Variants in PTPRN2 observed in about 807,000 individuals in gnomAD.
The protein encoded by PTPRN2 is protein tyrosine phosphatase receptor type N2.
A neutral mutation model predicts 118.8 loss-of-function variants in PTPRN2; 74 were observed. The ratio of observed to expected loss-of-function variants is 0.62; its 90% CI spans 0.52 to 0.76. PTPRN2 has a LOEUF of 0.76. Among genes scored for constraint, PTPRN2 ranks in the 30% least tolerant of loss-of-function variants. The pLI is 0.00. For missense variants in PTPRN2, 1,481 were observed against 1,394.4 expected, an observed-to-expected ratio of 1.06 and a Z score of -0.99; for synonymous variants, 641 against 608.0, an observed-to-expected ratio of 1.05 and a Z score of -0.80.
chr7:157,720,342 G>A (rs1799161520), intron 12 of PTPRN2, among the ~76,000 whole-genome samples: 1 of 152,196 alleles, frequency 6.6e-6, no homozygotes, highest in African/African-American at 2.4e-5. Context: ...TCATTCCAAT[G>A]TCCGACCTCT....
chr7:158,192,278 C>T, intron 5 of PTPRN2, 49 bp downstream of exon 5: 1 of 1,425,272 alleles, frequency 7.0e-7, no homozygotes, highest in African/African-American at 1.5e-5. Context: ...GGTACCTGCA[C>T]CCTGAAGGAA....
At chr7:157,803,890 T>C (rs1805470381) in intron 12 of PTPRN2, among the ~76,000 whole-genome samples, 1 of 152,040 alleles carries the variant, frequency 6.6e-6, no homozygotes, top group South Asian at 2.1e-4. Flanking sequence ...TTTTTCATGA[T>C]GGCAAAATAT....
At chr7:157,747,545 C>G in intron 12 of PTPRN2, among the ~76,000 whole-genome samples, 1 of 113,656 alleles carries the variant, frequency 8.8e-6, no homozygotes, top group African/African-American at 3.6e-5. Context: ...CGTCCCTGAG[C>G]TGTGGGCTGT....
chr7:158,083,821 C>G (rs1388550940), intron 10 of PTPRN2, among the ~76,000 whole-genome samples: 3 of 151,194 alleles, frequency 2.0e-5, no homozygotes, highest in African/African-American at 7.3e-5. Context: ...TGGCTCTGGC[C>G]CTTGTGCTCT....
rs541782826 is a variant in PTPRN2, at chr7:157,813,150, G to T, written c.1788+85523C>A. Among the ~76,000 whole-genome samples, 1 of 152,116 alleles carries T rather than the reference G, an allele frequency of 6.6e-6. No individual in the cohort carries two copies. Among genetic ancestry groups the T allele is most frequent in the Non-Finnish European group, 1.5e-5 (1 of 68,036 alleles). The stretch of plus-strand genomic sequence containing the variant: ...GCAGCCTCCCCCAAGCCAACCACCC[G>T]GGCCCACAGACAAGCATCTCCAGAG... On this transcript the variant is annotated intron_variant, in intron 12 of 22. Coordinates refer to ENST00000389418, the MANE Select transcript of PTPRN2 (RefSeq NM_002847.5). This position sits in a 1 kb window ranked among gnomAD's most constrained non-coding sequence, Gnocchi z 4.7.
intron 11 of PTPRN2, among the ~76,000 whole-genome samples, chr7:157,968,681 G>T (rs1383845917): frequency 6.6e-6 from 1 of 152,162 alleles, no homozygotes; most frequent in Non-Finnish European, 1.5e-5. Flanking sequence ...GAAGAATCCA[G>T]CCTGGGTGTC....
intron 11 of PTPRN2, among the ~76,000 whole-genome samples, chr7:157,993,747 G>A (rs537148409): frequency 2.6e-5 from 4 of 152,284 alleles, no homozygotes; most frequent in South Asian, 2.1e-4. Flanking sequence ...ATCCTAGGTC[G>A]GAAGTTCAAA....
Position 157,682,936 on chromosome 7 carries a change from T to C in PTPRN2, c.1790A>G (p.Lys597Arg). The C allele has an allele frequency of 6.2e-7, 1 of 1,608,170 alleles. No homozygotes were observed. Among genetic ancestry groups the C allele is most frequent in the Non-Finnish European group, 8.5e-7 (1 of 1,175,030 alleles). The change falls in exon 13 of 23, where the codon AAA becomes AGA. Residue 597 changes from lysine (K) to arginine (R), a missense_variant and splice_region_variant. This residue lies in a region of PTPRN2 where 1,115 missense variants were observed against 994.2 expected (regional missense o/e 1.12). Transcript: ENST00000389418. ...LKILQTGVGS[K>R]SKLKFLPPQA... ...AGGAGGCAGGAACTTGAGTTTGCTT[T>C]TCTGCAGAACAAGGAGAGAGGGGTG... is the stretch of plus-strand genomic sequence containing the variant.
chr7:158,075,781 C>A (rs912983672), intron 11 of PTPRN2, among the ~76,000 whole-genome samples: 1 of 152,248 alleles, frequency 6.6e-6, no homozygotes, highest in African/African-American at 2.4e-5. Flanking sequence ...GATCGTCAAC[C>A]TCATGGCTGC....
chr7:158,453,572 G>A (rs1015121420), intron 2 of PTPRN2, among the ~76,000 whole-genome samples: 10 of 151,676 alleles, frequency 6.6e-5, no homozygotes, highest in South Asian at 2.1e-4. Flanking sequence ...GGCAGCTGCC[G>A]CAGGACCTCA....
At chr7:157,841,292 T>A (rs778569171) in intron 12 of PTPRN2, among the ~76,000 whole-genome samples, 10 of 152,174 alleles carry the variant, frequency 6.6e-5, no homozygotes, top group Non-Finnish European at 1.5e-4. Flanking sequence ...TGGCTGAACA[T>A]CGGTGAAGAG....
chr7:158,514,301 G>A (rs557227401), intron 1 of PTPRN2, among the ~76,000 whole-genome samples: 3 of 152,306 alleles, frequency 2.0e-5, no homozygotes, highest in South Asian at 2.1e-4. Flanking sequence ...GGATGGCCAC[G>A]AAGGGGAGCG....
intron 12 of PTPRN2, among the ~76,000 whole-genome samples, chr7:157,739,990 T>C (rs762616410): frequency 6.6e-6 from 1 of 152,250 alleles, no homozygotes; most frequent in Non-Finnish European, 1.5e-5. Context: ...TGGGACTGTA[T>C]GGAGTTTCCA....
chr7:157,659,305 CG>C (rs563305694), intron 13 of PTPRN2, among the ~76,000 whole-genome samples: 17 of 81,364 alleles, frequency 2.1e-4, no homozygotes, highest in East Asian at 7.9e-4. Context: ...ACTGCGGGGA[CG>C]GGGGGGGATG....
chr7:157,591,247 C>CA lies in PTPRN2; in HGVS notation c.2496+3990dup, dbSNP rs1227220243. ...CCATCTTTCCCATCACGGCCTTTCT[C>CA]ACGCTCACACTTTCTTCCTGGAATT... On this transcript the variant is annotated intron_variant, in intron 17 of 22. Transcript: ENST00000389418. The surrounding 1 kb of genome is among the most constrained non-coding windows in gnomAD (Gnocchi z 4.4). Among the ~76,000 whole-genome samples, 15 of 152,194 alleles carry CA rather than the reference C, an allele frequency of 9.9e-5. No individual in the cohort carries two copies. Among genetic ancestry groups the CA allele is most frequent in the African/African-American group, 3.1e-4 (13 of 41,454 alleles).
At chr7:158,418,203 A>G (rs1402822900) in intron 2 of PTPRN2, among the ~76,000 whole-genome samples, 1 of 145,984 alleles carries the variant, frequency 6.9e-6, no homozygotes, top group Non-Finnish European at 1.5e-5. Context: ...TGCTGTGTTA[A>G]GTCACGGTGT....
intron 12 of PTPRN2, among the ~76,000 whole-genome samples, chr7:157,873,440 G>C (rs1563194895): frequency 6.6e-6 from 1 of 152,064 alleles, no homozygotes; most frequent in Admixed American, 6.5e-5. Context: ...GGGAGCGTCT[G>C]CAAGGTCCGT....
rs7783225 is a variant in PTPRN2, at chr7:157,683,357, G to C, written c.1789-420C>G. On this transcript the variant is annotated intron_variant, in intron 12 of 22. Coordinates refer to ENST00000389418, the MANE Select transcript of PTPRN2 (RefSeq NM_002847.5). Reference sequence around the variant, plus strand: ...GCTTGGCGGTGGAGGAGGGTGGGCAGGCCCGGAGCCTTCTGCAGCTTCAAG... The same window carrying C: ...GCTTGGCGGTGGAGGAGGGTGGGCACGCCCGGAGCCTTCTGCAGCTTCAAG... Among the ~76,000 whole-genome samples the C allele has an allele frequency of 9.8e-3, 1,491 of 152,344 alleles. 28 individuals are homozygous for C. The highest frequency in any genetic ancestry group is 0.034 in the African/African-American group (1,397 of 41,576).
intron 12 of PTPRN2, among the ~76,000 whole-genome samples, chr7:157,772,366 G>C (rs1802929943): frequency 1.3e-5 from 2 of 151,148 alleles, no homozygotes; most frequent in South Asian, 2.1e-4. Context: ...CATACACACA[G>C]ACACAGACAC....
Sources: allele counts gnomAD v4.1 joint callset (sites outside exome capture counted in the v4.1 genomes callset), GRCh38; gene constraint gnomAD v4.1.1; regional missense constraint gnomAD v4.1.1; non-coding constraint Gnocchi (gnomAD v3.1); transcripts MANE v1.5; gene names NCBI Gene and HGNC (gene_info 2026-07-23, HGNC 2026-07-21).